Variants in SETD6 observed in about 807,000 individuals in gnomAD.
The protein encoded by SETD6 is N-lysine methyltransferase SETD6.
Under a neutral mutation model 52.7 loss-of-function variants are expected in SETD6, and 67 were observed. That is an observed-to-expected ratio of 1.27 (90% CI 1.04 to 1.56). The LOEUF (loss-of-function observed/expected upper bound fraction) is 1.56. Among genes scored for constraint, SETD6 ranks in the 40% most tolerant of loss-of-function variants. The pLI is 0.00. For missense variants in SETD6, 712 were observed against 607.5 expected, an observed-to-expected ratio of 1.17 and a Z score of -1.81; for synonymous variants, 307 against 250.2, an observed-to-expected ratio of 1.23 and a Z score of -2.14.
upstream of SETD6, chr16:58,515,513 C>A: frequency 1.3e-6 from 2 of 1,578,008 alleles, no homozygotes; most frequent in East Asian, 2.4e-5. Context: ...GTGCGCCGGC[C>A]CGCGAGGAAA....
chr16:58,517,166 T>C (rs927261678), intron 5 of SETD6: 17 of 554,750 alleles, frequency 3.1e-5, no homozygotes, highest in African/African-American at 2.5e-4. Context: ...GTGCTAGACA[T>C]TGAGTGGTCT....
In SETD6 at chr16:58,516,799, C is replaced by G. The variant is rs762685533; in HGVS notation, c.672-9C>G. ...AGACAGGGCCTTAGCCAGGTTCTGT[C>G]AATGGCAGCTTTCAGGAACCACTGG... On this transcript the variant is annotated splice_polypyrimidine_tract_variant and intron_variant, in intron 4 of 7. Coordinates refer to ENST00000219315, the MANE Select transcript of SETD6 (RefSeq NM_001160305.4). 3.7e-6 allele frequency: 6 copies of G among 1,614,184 alleles called. No homozygotes were observed. Among genetic ancestry groups the G allele is most frequent in the Middle Eastern group, 1.6e-4 (1 of 6,062 alleles).
At position 58,519,817 on chromosome 16, in the gene SETD6, A is replaced by G. The variant is rs921670358; in HGVS notation, c.*788A>G. On this transcript the variant is annotated 3_prime_UTR_variant, in exon 8 of 8. Transcript: ENST00000219315. ...AGTAGTAGGAATGACCTATCAATCA[A>G]TCAATCAATCATTCAGCAAGAAGTT... 1.4e-5 allele frequency: 2 copies of G among 140,674 alleles called. No homozygotes were observed. The highest frequency in any genetic ancestry group is 3.2e-5 in the Non-Finnish European group (2 of 63,334). 8.7% of individuals were successfully genotyped at this position (140,674 alleles called of 1,614,324 possible). A position where few individuals can be genotyped will look rare whatever the true frequency, so the allele number is the denominator to read the frequency against.
Position 58,515,907 on chromosome 16 carries a change from G to C in SETD6, c.144G>C (p.Arg48Ser). The C allele has an allele frequency of 6.6e-7, 1 of 1,505,742 alleles. No individual in the cohort carries two copies. The highest frequency in any genetic ancestry group is 8.8e-7 in the Non-Finnish European group (1 of 1,136,296). 93.3% of individuals were successfully genotyped at this position (1,505,742 alleles called of 1,614,324 possible). ...PKVSERAGGR[R>S]TRGGARAALT... ...TGAGCGAGCGAGCCGGCGGGCGGAG[G>C]ACCCGCGGCGGGGCGCGGGCTGCCC... The change falls in exon 2 of 8, where the codon AGG (arginine) becomes AGC (serine). Residue 48 changes from arginine (R) to serine (S), a missense_variant. Coordinates refer to ENST00000219315, the MANE Select transcript of SETD6 (RefSeq NM_001160305.4).
In SETD6 at chr16:58,522,101, C is replaced by T. The variant is rs980069179; in HGVS notation, c.*3072C>T. Among the ~76,000 whole-genome samples, 4 of 151,484 alleles carry T rather than the reference C, an allele frequency of 2.6e-5. No homozygotes were observed. Among genetic ancestry groups the T allele is most frequent in the African/African-American group, 4.8e-5 (2 of 41,328 alleles). On this transcript the variant is annotated 3_prime_UTR_variant, in exon 8 of 8. Transcript: ENST00000219315. Reference sequence around the variant, plus strand: ...CTGGGAGGCCAAGACGGGTGGATCACGAGGTCGGGAGTTCAAGACCAGCCT... The same window carrying T: ...CTGGGAGGCCAAGACGGGTGGATCATGAGGTCGGGAGTTCAAGACCAGCCT...
chr16:58,517,731 C>T (rs2039214436), intron 5 of SETD6: 3 of 356,536 alleles, frequency 8.4e-6, no homozygotes, highest in Admixed American at 4.3e-5. Flanking sequence ...CCACTTTGAC[C>T]TCCCTAAGTG....
In SETD6 at chr16:58,516,239, A is replaced by G; in HGVS notation, c.372A>G (p.Pro124=). The change falls in exon 3 of 8, where the codon CCA becomes CCG. Residue 124 remains proline (P), a synonymous_variant. Coordinates refer to ENST00000219315, the MANE Select transcript of SETD6 (RefSeq NM_001160305.4). ...VALQSQSGWV[P]LLLALLHELQ... Reference sequence around the variant, plus strand: ...TGCAGAGCCAGTCGGGCTGGGTGCCACTGCTGCTGGCGCTGCTCCACGAGC... The same window carrying G: ...TGCAGAGCCAGTCGGGCTGGGTGCCGCTGCTGCTGGCGCTGCTCCACGAGC... The G allele has an allele frequency of 6.3e-7, 1 of 1,598,046 alleles. No homozygotes were observed. The highest frequency in any genetic ancestry group is 8.5e-7 in the Non-Finnish European group (1 of 1,179,374).
rs750318343 is a variant in SETD6, at chr16:58,518,983, A to C, written c.1376A>C (p.Tyr459Ser). 3 of 1,614,108 alleles carry C rather than the reference A, an allele frequency of 1.9e-6. No individual in the cohort carries two copies. In the Admixed American group the frequency reaches 5.0e-5, roughly 27 times the overall value. The change falls in exon 8 of 8, where the codon TAT becomes TCT. Residue 459 changes from tyrosine to serine, a missense_variant. Tyr to Ser is a moderately radical substitution (Grantham distance 144, BLOSUM62 -2). Coordinates refer to ENST00000219315, the MANE Select transcript of SETD6 (RefSeq NM_001160305.4). ...GAACAGCAAGCCTTACAGGTTCGCT[A>C]TGGTCAGAAGATGATCTTACATCAG... The part of the protein sequence containing the change: ...WREQQALQVR[Y>S]GQKMILHQLL...
At chr16:58,515,656 C>A in intron 1 of SETD6, 92 bp downstream of exon 1, 6 of 1,412,130 alleles carry the variant, frequency 4.2e-6, no homozygotes, top group Non-Finnish European at 5.5e-6. Flanking sequence ...TCCGCTCCCT[C>A]CCGCGGGTCC....
rs575199517 is a variant in SETD6 at position 58,523,263 on chromosome 16, C to A, written c.*4234C>A. On this transcript the variant is annotated 3_prime_UTR_variant, in exon 8 of 8. Coordinates refer to ENST00000219315, the MANE Select transcript of SETD6 (RefSeq NM_001160305.4). The stretch of plus-strand genomic sequence containing the variant: ...CCGTCTCAAAAAAACAAAAAAAAAA[C>A]CAACCAAACGGATTTTCACTGAACA... 423 of 1,233,248 alleles carry A rather than the reference C, an allele frequency of 3.4e-4. No individual in the cohort carries two copies. The highest frequency in any genetic ancestry group is 9.0e-4 in the Admixed American group (34 of 37,988). The allele number at this position is 1,233,248 out of a possible 1,614,324, so 76.4% of individuals were successfully genotyped here. A position where few individuals can be genotyped will look rare whatever the true frequency, so the allele number is the denominator to read the frequency against.
chr16:58,518,416 C>A lies in SETD6; in HGVS notation c.989C>A (p.Ala330Asp). The part of the protein sequence containing the change: ...EAALQGTKTE[A>D]ERHLVYERWD... ...TCATCTACAGGAACAAAAACTGAAGCTGAAAGGCACCTAGTGTACGAGCGC... is the reference window on the plus strand; with the variant it reads ...TCATCTACAGGAACAAAAACTGAAGATGAAAGGCACCTAGTGTACGAGCGC... The change falls in exon 7 of 8, where the codon GCT becomes GAT. Residue 330 changes from alanine (A) to aspartate (D), a missense_variant. Coordinates refer to ENST00000219315, the MANE Select transcript of SETD6 (RefSeq NM_001160305.4). 6.3e-7 allele frequency: 1 copy of A among 1,581,272 alleles called. No homozygotes were observed. Among genetic ancestry groups the A allele is most frequent in the Non-Finnish European group, 8.5e-7 (1 of 1,169,736 alleles).
intron 1 of SETD6, 42 bp downstream of exon 1, chr16:58,515,606 C>G: frequency 1.3e-6 from 2 of 1,489,302 alleles, no homozygotes; most frequent in Non-Finnish European, 1.8e-6. Context: ...CTCCGCGCCT[C>G]ACCCCTTCTC....
At chr16:58,515,701 A>G in intron 1 of SETD6, 90 bp from the exon 2 acceptor site, 2 of 1,399,846 alleles carry the variant, frequency 1.4e-6, no homozygotes, top group African/African-American at 1.5e-5. Flanking sequence ...CCTCCACCCA[A>G]AGCCCGTTCT....
chr16:58,518,101 T>C lies in SETD6; in HGVS notation c.843T>C (p.Ile281=). 6.2e-7 allele frequency: 1 copy of C among 1,614,248 alleles called. No individual in the cohort carries two copies. The highest frequency in any genetic ancestry group is 8.5e-7 in the Non-Finnish European group (1 of 1,180,042). Reference sequence around the variant, plus strand: ...AGCCCATTCCTAAAGGCCATGAGATTTTCAACACTTATGGGCAAATGGCTA... The same window carrying C: ...AGCCCATTCCTAAAGGCCATGAGATCTTCAACACTTATGGGCAAATGGCTA... The part of the protein sequence containing the change: ...ATQPIPKGHE[I]FNTYGQMANW... Residue 281 remains isoleucine, a synonymous_variant, in exon 6 of 8, where the codon ATT becomes ATC. Transcript: ENST00000219315.
rs916870033 is a variant in SETD6, at chr16:58,519,355, T to C, written c.*326T>C. The stretch of plus-strand genomic sequence containing the variant: ...AGCATTTAATAATAGACTTTGGAGG[T>C]AGACCCCTGGTTTAAATCTAAGTCT... On this transcript the variant is annotated 3_prime_UTR_variant, in exon 8 of 8. Coordinates refer to ENST00000219315, the MANE Select transcript of SETD6 (RefSeq NM_001160305.4). 1.3e-5 allele frequency: 3 copies of C among 234,386 alleles called. No homozygotes were observed. Among genetic ancestry groups the C allele is most frequent in the African/African-American group, 2.3e-5 (1 of 44,078 alleles). The allele number at this position is 234,386 out of a possible 1,614,324, so 14.5% of individuals were successfully genotyped here.
In SETD6 at chr16:58,523,295, G is replaced by A. The variant is rs930223260; in HGVS notation, c.*4266G>A. 6 of 1,427,954 alleles carry A rather than the reference G, an allele frequency of 4.2e-6. No individual in the cohort carries two copies. The Admixed American group carries it at 9.3e-5, about 22-fold the overall frequency. 88.5% of individuals were successfully genotyped at this position (1,427,954 alleles called of 1,614,324 possible). ...AACGGATTTTCACTGAACACTGAAA[G>A]CATAAAGAGGAAAAAAAAAAGATGA... On this transcript the variant is annotated 3_prime_UTR_variant, in exon 8 of 8. Transcript: ENST00000219315.
In SETD6 at chr16:58,520,062, C is replaced by T. The variant is rs973523418; in HGVS notation, c.*1033C>T. On this transcript the variant is annotated 3_prime_UTR_variant, in exon 8 of 8. Transcript: ENST00000219315. ...TACAACACAGGGACCAATACATTTG[C>T]AAAACATTCAAAATCCTTATAAAAG... 1 of 152,210 alleles carries T rather than the reference C, an allele frequency of 6.6e-6. No homozygotes were observed. The highest frequency in any genetic ancestry group is 2.1e-4 in the South Asian group (1 of 4,834). 9.4% of individuals were successfully genotyped at this position (152,210 alleles called of 1,614,324 possible).
chr16:58,523,318 TGAAAG>T lies in SETD6; in HGVS notation c.*4291_*4295del, dbSNP rs1179381561. 5.4e-6 allele frequency: 8 copies of T among 1,482,970 alleles called. No individual in the cohort carries two copies. Among genetic ancestry groups the T allele is most frequent in the East Asian group, 2.4e-5 (1 of 42,312 alleles). 91.9% of individuals were successfully genotyped at this position (1,482,970 alleles called of 1,614,324 possible). A position where few individuals can be genotyped will look rare whatever the true frequency, so the allele number is the denominator to read the frequency against. ...AAGCATAAAGAGGAAAAAAAAAAGA[TGAAAG>T]GGAGGAGATCCTTTTGAAGCATTTA... On this transcript the variant is annotated 3_prime_UTR_variant, in exon 8 of 8. Transcript: ENST00000219315.
In SETD6 at chr16:58,521,321, GA is replaced by G; in HGVS notation, c.*2297del. On this transcript the variant is annotated 3_prime_UTR_variant, in exon 8 of 8. Coordinates refer to ENST00000219315, the MANE Select transcript of SETD6 (RefSeq NM_001160305.4). ...AATCAACCGTTCCAAGAGAACTCTG[GA>G]AAAAGGGAGAAAGAGCTAGTTAATG... 3.1e-6 allele frequency: 5 copies of G among 1,594,330 alleles called. No homozygotes were observed. The highest frequency in any genetic ancestry group is 4.3e-6 in the Non-Finnish European group (5 of 1,175,028).
Sources: gnomAD v4.1 joint callset for allele counts (sites outside exome capture counted in the v4.1 genomes callset) on GRCh38, gnomAD v4.1.1 for gene constraint, MANE v1.5 for transcripts, NCBI Gene and HGNC (gene_info 2026-07-23, HGNC 2026-07-21) for gene names.